Variants in SPAST observed in about 807,000 individuals in gnomAD.
The protein encoded by SPAST is spastic paraplegia 4 (autosomal dominant; spastin).
In SPAST, 30 loss-of-function variants were observed where a neutral mutation model predicts 76.6. That is an observed-to-expected ratio of 0.39 (90% CI 0.29 to 0.53). The LOEUF (loss-of-function observed/expected upper bound fraction) is 0.53. Among genes scored for constraint, SPAST ranks in the 20% least tolerant of loss-of-function variants. The pLI is 0.68. For synonymous variants in SPAST, 305 were observed against 281.0 expected, an observed-to-expected ratio of 1.09 and a Z score of -0.86; for missense variants, 717 against 770.5, an observed-to-expected ratio of 0.93 and a Z score of 0.82.
At chr2:32,147,023 T>C (rs1679909128) in intron 15 of SPAST, among the ~76,000 whole-genome samples, 195 bp from the exon 16 acceptor site, 1 of 152,102 alleles carries the variant, frequency 6.6e-6, no homozygotes, top group Admixed American at 6.6e-5. Context: ...TTTCCAGTTA[T>C]TCCAAAGAAG....
intron 3 of SPAST, among the ~76,000 whole-genome samples, chr2:32,092,283 T>C (rs1677753851): frequency 6.6e-6 from 1 of 152,200 alleles, no homozygotes; most frequent in Non-Finnish European, 1.5e-5. Context: ...TCAGATATAA[T>C]TAAATAGTGT....
At chr2:32,091,875 A>G (rs2148712459) in intron 3 of SPAST, among the ~76,000 whole-genome samples, 1 of 151,994 alleles carries the variant, frequency 6.6e-6, no homozygotes, top group Admixed American at 6.6e-5. Flanking sequence ...ATAATAATAA[A>G]GTGCTGGGAT....
At chr2:32,064,716 G>A (rs1676440513) in intron 1 of SPAST, among the ~76,000 whole-genome samples, 2 of 152,318 alleles carry the variant, frequency 1.3e-5, no homozygotes, top group Admixed American at 6.5e-5. Flanking sequence ...TGACAATTTT[G>A]AAAGAAATAG....
intron 1 of SPAST, among the ~76,000 whole-genome samples, chr2:32,079,653 G>C (rs1344845841): frequency 1.4e-5 from 2 of 141,514 alleles, no homozygotes; most frequent in Admixed American, 7.4e-5. Flanking sequence ...CCTCTTCCTG[G>C]ACTCAAGCAG....
Position 32,064,072 on chromosome 2 carries a change from C to T in SPAST, c.241C>T (p.Arg81Cys), listed in dbSNP as rs759901984. The T allele has an allele frequency of 1.9e-6, 3 of 1,612,604 alleles. No homozygotes were observed. The South Asian group carries it at 3.3e-5, about 18-fold the overall frequency. Reference sequence around the variant, plus strand: ...GCTCCTCTTCGTGTGGCTCTGCCAGCGCTTCTCCCGCGCCCTCATGGCAGC... The same window carrying T: ...GCTCCTCTTCGTGTGGCTCTGCCAGTGCTTCTCCCGCGCCCTCATGGCAGC... The part of the protein sequence containing the change: ...LGLLFVWLCQ[R>C]FSRALMAAKR... The change falls in exon 1 of 17, where the codon CGC (arginine) becomes TGC (cysteine). Residue 81 changes from arginine to cysteine, a missense_variant. Arg to Cys is a radical substitution (Grantham distance 180). Coordinates refer to ENST00000315285, the MANE Select transcript of SPAST (RefSeq NM_014946.4).
At chr2:32,065,890 C>T (rs1676489435) in intron 1 of SPAST, 1 of 151,096 alleles carries the variant, frequency 6.6e-6, no homozygotes, top group African/African-American at 2.4e-5. Flanking sequence ...GAAAGAGTGA[C>T]GGTTAAGAGA....
rs1471679928 is a variant in SPAST at position 32,063,964 on chromosome 2, C to T, written c.133C>T (p.Pro45Ser). 1.2e-6 allele frequency: 2 copies of T among 1,612,502 alleles called. No homozygotes were observed. The highest frequency in any genetic ancestry group is 2.2e-5 in the East Asian group (1 of 44,826). ...AAGPAPPPES[P>S]HKRNLYYFSY... Reference sequence around the variant, plus strand: ...CGGGCCGGCCCCTCCGCCCGAGTCGCCGCATAAGCGGAACCTGTACTATTT... The same window carrying T: ...CGGGCCGGCCCCTCCGCCCGAGTCGTCGCATAAGCGGAACCTGTACTATTT... Residue 45 changes from proline (P) to serine (S), a missense_variant, in exon 1 of 17, where the codon CCG becomes TCG. Physicochemically the swap from Pro to Ser is moderately conservative, Grantham distance 74. Coordinates refer to ENST00000315285, the MANE Select transcript of SPAST (RefSeq NM_014946.4).
chr2:32,087,614 T>A, intron 2 of SPAST, 36 bp downstream of exon 2: 1 of 1,009,076 alleles, frequency 9.9e-7, no homozygotes, highest in Non-Finnish European at 1.5e-6. Flanking sequence ...TCCCAAATTA[T>A]GATATATTCA....
intron 4 of SPAST, among the ~76,000 whole-genome samples, chr2:32,105,094 A>G (rs1678269822): frequency 6.6e-6 from 1 of 152,172 alleles, no homozygotes; most frequent in Non-Finnish European, 1.5e-5. Context: ...TACACCCGTC[A>G]GACATAGATT....
chr2:32,065,319 T>G (rs1184840351), intron 1 of SPAST, among the ~76,000 whole-genome samples: 1 of 152,088 alleles, frequency 6.6e-6, no homozygotes, highest in South Asian at 2.1e-4. Flanking sequence ...CGCCTGGCCT[T>G]AAGCTAACAT....
chr2:32,133,579 A>G (rs1025478298), intron 9 of SPAST, among the ~76,000 whole-genome samples: 4 of 152,040 alleles, frequency 2.6e-5, no homozygotes, highest in African/African-American at 9.7e-5. Context: ...AAGTAGTTGT[A>G]GTTGTGCTTT....
intron 9 of SPAST, chr2:32,129,560 G>T (rs529573132): frequency 2.0e-4 from 31 of 152,302 alleles, no homozygotes; most frequent in African/African-American, 7.5e-4. Flanking sequence ...CAGAACTAGT[G>T]TGTAAATATA....
chr2:32,074,126 G>A (rs1201762410), intron 1 of SPAST, among the ~76,000 whole-genome samples: 1 of 152,180 alleles, frequency 6.6e-6, no homozygotes, highest in Non-Finnish European at 1.5e-5. Flanking sequence ...TGATTTTAAG[G>A]AGGGTTTAAA....
At position 32,090,931 on chromosome 2, in the gene SPAST, G is replaced by A. The variant is rs903845092; in HGVS notation, c.586+1326G>A. Among the ~76,000 whole-genome samples the A allele has an allele frequency of 5.1e-4, 77 of 152,238 alleles. 1 individual carries two copies. The highest frequency in any genetic ancestry group is 7.4e-5 in the Non-Finnish European group (5 of 68,010). ...TTAGTTGTTCCATCTTGTGAGGTTAGCAGCAGTTAACTATGACTGATGTCC... is the reference window on the plus strand; with the variant it reads ...TTAGTTGTTCCATCTTGTGAGGTTAACAGCAGTTAACTATGACTGATGTCC... On this transcript the variant is annotated intron_variant, in intron 3 of 16. Coordinates refer to ENST00000315285, the MANE Select transcript of SPAST (RefSeq NM_014946.4).
At chr2:32,134,667 G>A (rs926406965) in intron 9 of SPAST, among the ~76,000 whole-genome samples, 26 of 152,118 alleles carry the variant, frequency 1.7e-4, no homozygotes, top group African/African-American at 5.5e-4. Flanking sequence ...AAGTATTGTT[G>A]TGGAAGTTAG....
At chr2:32,095,883 A>G (rs1301287562) in intron 3 of SPAST, among the ~76,000 whole-genome samples, 3 of 152,072 alleles carry the variant, frequency 2.0e-5, no homozygotes, top group Non-Finnish European at 4.4e-5. Context: ...GAGGCGTAAG[A>G]GGTATAGGCA....
intron 1 of SPAST, among the ~76,000 whole-genome samples, chr2:32,068,263 C>T (rs1241130513): frequency 6.6e-6 from 1 of 151,854 alleles, no homozygotes; most frequent in Non-Finnish European, 1.5e-5. Flanking sequence ...CAGGCGTGAG[C>T]CACCGCGCCC....
chr2:32,087,478 TTTTTA>T lies in SPAST; in HGVS notation c.416-8_416-4del, dbSNP rs1321593501. On this transcript the variant is annotated splice_polypyrimidine_tract_variant and intron_variant, in intron 1 of 16. Transcript: ENST00000315285. ...TCTTCATACGATCTATACAAATAAT[TTTTTA>T]TTTTAAAGCAGGACAGAAGGAGCAA... 6.5e-7 allele frequency: 1 copy of T among 1,539,082 alleles called. No individual in the cohort carries two copies.
At chr2:32,088,656 A>G (rs1208693747) in intron 2 of SPAST, among the ~76,000 whole-genome samples, 1 of 152,228 alleles carries the variant, frequency 6.6e-6, no homozygotes, top group African/African-American at 2.4e-5. Flanking sequence ...GAAAGAAAGA[A>G]AAGCAAAACA....
Sources: gnomAD v4.1 joint callset for allele counts (sites outside exome capture counted in the v4.1 genomes callset) on GRCh38, gnomAD v4.1.1 for gene constraint, MANE v1.5 for transcripts, NCBI Gene and HGNC (gene_info 2026-07-23, HGNC 2026-07-21) for gene names.